PTPRT: variants seen among roughly 807,000 people sequenced by gnomAD.
PTPRT encodes protein tyrosine phosphatase receptor type T.
Under a neutral mutation model 176.8 loss-of-function variants are expected in PTPRT, and 56 were observed. The observed-to-expected ratio is 0.32, with a 90% CI of 0.26 to 0.40. The LOEUF is 0.40. Ranked by LOEUF, PTPRT falls within the 10% of genes least tolerant of loss-of-function variation. PTPRT has a pLI of 1.00. For synonymous variants in PTPRT, 783 were observed against 739.0 expected (o/e 1.06, Z -0.96); for missense variants, 1,540 against 1,908.2 (o/e 0.81, Z 3.60).
chr20:43,070,926 C>T (rs1344075361), intron 1 of PTPRT, among the ~76,000 whole-genome samples: 2 of 147,696 alleles, frequency 1.4e-5, no homozygotes, highest in Non-Finnish European at 3.0e-5. Context: ...ATGTAACAAA[C>T]CTGCACATTG....
intron 1 of PTPRT, among the ~76,000 whole-genome samples, chr20:42,934,559 T>C (rs77317047): frequency 4.0e-4 from 61 of 152,210 alleles, no homozygotes; most frequent in Admixed American, 1.3e-3. Flanking sequence ...TGGGGAATAA[T>C]ATGCTTCTAA....
At chr20:42,179,073 G>A (rs964768121) in intron 16 of PTPRT, among the ~76,000 whole-genome samples, 4 of 152,180 alleles carry the variant, frequency 2.6e-5, no homozygotes, top group African/African-American at 9.7e-5. Flanking sequence ...GGCATAGGAG[G>A]CAGGGATCAT....
intron 12 of PTPRT, among the ~76,000 whole-genome samples, chr20:42,306,696 C>A (rs6072679): frequency 6.6e-6 from 1 of 151,932 alleles, no homozygotes; most frequent in African/African-American, 2.4e-5. Flanking sequence ...ATGGGTGGTA[C>A]AGGTCTAAGG....
At chr20:42,486,741 G>A (rs991009261) in intron 7 of PTPRT, among the ~76,000 whole-genome samples, 7 of 152,132 alleles carry the variant, frequency 4.6e-5, no homozygotes, top group African/African-American at 1.7e-4. Flanking sequence ...AGGTCTGCCT[G>A]ATGTATGCTT....
chr20:42,611,688 C>T (rs1450232750), intron 7 of PTPRT, among the ~76,000 whole-genome samples: 1 of 152,212 alleles, frequency 6.6e-6, no homozygotes, highest in Non-Finnish European at 1.5e-5. Flanking sequence ...TCCAAACTCA[C>T]CTTCCTTCCC....
At chr20:42,584,455 C>T (rs529820887) in intron 7 of PTPRT, among the ~76,000 whole-genome samples, 21 of 152,082 alleles carry the variant, frequency 1.4e-4, no homozygotes, top group African/African-American at 3.9e-4. Flanking sequence ...GATGTCAGCA[C>T]GGCATGGTCC....
intron 7 of PTPRT, among the ~76,000 whole-genome samples, chr20:42,564,080 G>A (rs2072999106): frequency 1.3e-5 from 2 of 152,144 alleles, no homozygotes; most frequent in African/African-American, 4.8e-5. Context: ...AGGGCTGGAG[G>A]TGACTCATTT....
At chr20:42,063,645 C>T in the PTPRT span, 1 of 152,156 alleles carries the variant, frequency 6.6e-6, no homozygotes, top group Non-Finnish European at 1.5e-5. Flanking sequence ...GTTGCATATT[C>T]TTAATCAGGT....
chr20:42,532,421 G>T (rs893536063), intron 7 of PTPRT, among the ~76,000 whole-genome samples: 6 of 152,006 alleles, frequency 3.9e-5, no homozygotes, highest in Admixed American at 3.9e-4. Context: ...CTTTTTTTGA[G>T]ACAGGGTCTC....
At chr20:42,821,402 G>C (rs1184986951) in intron 2 of PTPRT, among the ~76,000 whole-genome samples, 1 of 152,080 alleles carries the variant, frequency 6.6e-6, no homozygotes, top group Admixed American at 6.6e-5. Context: ...GGTAGTGATG[G>C]AACATATCTC....
intron 15 of PTPRT, among the ~76,000 whole-genome samples, chr20:42,203,363 T>C (rs996762989): frequency 2.0e-5 from 3 of 152,214 alleles, no homozygotes; most frequent in Non-Finnish European, 2.9e-5. Context: ...AATCTGTGAA[T>C]AGGGCAAACA....
At position 43,175,584 on chromosome 20, in the gene PTPRT, G is replaced by A. The variant is rs987187967; in HGVS notation, c.88+14062C>T. Among the ~76,000 whole-genome samples the A allele has an allele frequency of 7.1e-4, 106 of 148,470 alleles. 1 individual carries two copies. Among genetic ancestry groups the A allele is most frequent in the East Asian group, 2.4e-3 (12 of 4,960 alleles). On this transcript the variant is annotated intron_variant, in intron 1 of 30. Coordinates refer to ENST00000373187, the MANE Select transcript of PTPRT (RefSeq NM_007050.6). ...CTGCACTCCAGCCTGGCAACAGAGCGAGACCCCGGGCTCTGACTGTGCCAC... is the reference window on the plus strand; with the variant it reads ...CTGCACTCCAGCCTGGCAACAGAGCAAGACCCCGGGCTCTGACTGTGCCAC...
intron 9 of PTPRT, among the ~76,000 whole-genome samples, chr20:42,373,512 C>T (rs578031324): frequency 7.2e-5 from 11 of 152,334 alleles, no homozygotes; most frequent in African/African-American, 2.6e-4. Flanking sequence ...AATGACCTGT[C>T]TCCCGCATGG....
rs576050668 is a variant in PTPRT, at chr20:42,195,365, G to A, written c.2491+3875C>T. On this transcript the variant is annotated intron_variant, in intron 16 of 30. Coordinates refer to ENST00000373187, the MANE Select transcript of PTPRT (RefSeq NM_007050.6). ...AATCTCAGGGCCTCCTAAAGACACC[G>A]ATTCAGAGGCCAGACAGTCACTTCC... Among the ~76,000 whole-genome samples, 3 of 152,268 alleles carry A rather than the reference G, an allele frequency of 2.0e-5. No individual in the cohort carries two copies. In the East Asian group the frequency reaches 5.8e-4, roughly 29 times the overall value.
intron 7 of PTPRT, among the ~76,000 whole-genome samples, chr20:42,557,482 A>C (rs1251069166): frequency 6.6e-6 from 1 of 152,076 alleles, no homozygotes; most frequent in African/African-American, 2.4e-5. Flanking sequence ...CTGCTAATAC[A>C]AGTAAAACTG....
At chr20:43,021,711 A>T (rs1432268485) in intron 1 of PTPRT, among the ~76,000 whole-genome samples, 1 of 152,048 alleles carries the variant, frequency 6.6e-6, no homozygotes, top group African/African-American at 2.4e-5. Context: ...ACTAGGTGTA[A>T]ATATTAACAC....
intron 7 of PTPRT, among the ~76,000 whole-genome samples, chr20:42,606,041 G>C (rs1815136319): frequency 6.6e-6 from 1 of 152,206 alleles, no homozygotes; most frequent in African/African-American, 2.4e-5. Context: ...TACAGGATCA[G>C]AATCTGCCTT....
At chr20:42,955,909 G>A (rs1162758271) in intron 1 of PTPRT, among the ~76,000 whole-genome samples, 4 of 151,934 alleles carry the variant, frequency 2.6e-5, no homozygotes, top group Admixed American at 1.3e-4. Flanking sequence ...GTGCATCCCC[G>A]GGCCAGCCAC....
chr20:43,173,291 C>T (rs2015048525), intron 1 of PTPRT, among the ~76,000 whole-genome samples: 1 of 152,198 alleles, frequency 6.6e-6, no homozygotes, highest in South Asian at 2.1e-4. Context: ...AGGGGATCTA[C>T]ATGTTCTTCA....
Sources: gnomAD v4.1 joint callset for allele counts (sites outside exome capture counted in the v4.1 genomes callset) on GRCh38, gnomAD v4.1.1 for gene constraint, MANE v1.5 for transcripts, NCBI Gene and HGNC (gene_info 2026-07-23, HGNC 2026-07-21) for gene names.